Variants in CMSS1 observed in about 807,000 individuals in gnomAD.
CMSS1 encodes the protein protein CMSS1.
Under a neutral mutation model 43.5 loss-of-function variants are expected in CMSS1, and 33 were observed. That is an observed-to-expected ratio of 0.76 (90% CI 0.57 to 1.01). The LOEUF (loss-of-function observed/expected upper bound fraction) is 1.01, where lower values mean the gene tolerates loss of function less well. CMSS1 is among the 50% of genes least tolerant of loss of function. The pLI, the probability that CMSS1 is intolerant of heterozygous loss-of-function variation, is 0.00. For missense variants in CMSS1, 313 were observed against 326.4 expected (o/e 0.96, Z 0.32); for synonymous variants, 115 against 117.2 (o/e 0.98, Z 0.12).
intron 2 of CMSS1, among the ~76,000 whole-genome samples, chr3:100,156,178 G>C (rs753925138): frequency 7.9e-5 from 12 of 151,818 alleles, no homozygotes; most frequent in Non-Finnish European, 1.5e-4. Flanking sequence ...ATGCTGGAGT[G>C]CAGTGGTACA....
intron 1 of CMSS1, among the ~76,000 whole-genome samples, chr3:99,937,942 G>A (rs190695529): frequency 1.3e-5 from 2 of 152,308 alleles, no homozygotes; most frequent in Non-Finnish European, 2.9e-5. Context: ...CCTGTAGGAA[G>A]GGAGTTGGTA....
intron 1 of CMSS1, among the ~76,000 whole-genome samples, chr3:100,116,915 A>G (rs1292395067): frequency 6.6e-6 from 1 of 152,208 alleles, no homozygotes. Flanking sequence ...AATTTTTTAA[A>G]TAAAAAAGAA....
At chr3:99,902,605 A>T (rs1034661719) in intron 1 of CMSS1, among the ~76,000 whole-genome samples, 10 of 152,238 alleles carry the variant, frequency 6.6e-5, no homozygotes, top group African/African-American at 2.4e-4. Context: ...GAAACCTTGG[A>T]TTATAGTCCA....
chr3:99,947,781 A>G (rs1282561114), intron 1 of CMSS1, among the ~76,000 whole-genome samples: 1 of 152,244 alleles, frequency 6.6e-6, no homozygotes, highest in African/African-American at 2.4e-5. Context: ...GTAGACCACT[A>G]TACTACCTTT....
chr3:99,916,301 A>G (rs916969611), intron 1 of CMSS1, among the ~76,000 whole-genome samples: 2 of 152,160 alleles, frequency 1.3e-5, no homozygotes, highest in Non-Finnish European at 2.9e-5. Flanking sequence ...AATAGAATCT[A>G]CACCATTGAT....
chr3:100,114,549 C>T (rs1686054225), intron 1 of CMSS1: 1 of 174,818 alleles, frequency 5.7e-6, no homozygotes, highest in East Asian at 1.7e-4. Flanking sequence ...TGCCCAGCAG[C>T]TGCTCTCCAG....
At chr3:100,167,559 C>T (rs879028354) in intron 5 of CMSS1, among the ~76,000 whole-genome samples, 179 bp from the exon 6 acceptor site, 2 of 152,108 alleles carry the variant, frequency 1.3e-5, no homozygotes, top group Admixed American at 1.3e-4. Context: ...ATTAATGATA[C>T]TTTATTTTAA....
chr3:100,080,448 G>A (rs1576031574), intron 1 of CMSS1, among the ~76,000 whole-genome samples: 1 of 152,132 alleles, frequency 6.6e-6, no homozygotes, highest in African/African-American at 2.4e-5. Flanking sequence ...GTAGATTTTG[G>A]GGAGTACCCT....
intron 1 of CMSS1, among the ~76,000 whole-genome samples, chr3:99,970,795 C>T (rs1708790938): frequency 6.6e-6 from 1 of 152,176 alleles, no homozygotes; most frequent in Non-Finnish European, 1.5e-5. Flanking sequence ...AAACATTATA[C>T]TATCTGCTAC....
intron 2 of CMSS1, among the ~76,000 whole-genome samples, chr3:100,157,977 C>A (rs1013810341): frequency 3.3e-5 from 5 of 152,166 alleles, no homozygotes; most frequent in Admixed American, 2.6e-4. Context: ...GCTTCCACCC[C>A]TTCTGAAACC....
intron 1 of CMSS1, among the ~76,000 whole-genome samples, chr3:100,118,467 CACTT>C (rs2066593913): frequency 6.6e-6 from 1 of 152,118 alleles, no homozygotes; most frequent in South Asian, 2.1e-4. Context: ...GACAGCTTTT[CACTT>C]ACAGTTGTAT....
At chr3:99,955,934 G>A (rs569383250) in intron 1 of CMSS1, among the ~76,000 whole-genome samples, 52 of 152,118 alleles carry the variant, frequency 3.4e-4, no homozygotes, top group Non-Finnish European at 7.2e-4. Flanking sequence ...CTTACATAGC[G>A]CTTACCACAT....
Position 99,914,226 on chromosome 3 carries a change from C to G in CMSS1, c.64+96183C>G, listed in dbSNP as rs1339026818. On this transcript the variant is annotated intron_variant, in intron 1 of 9. Transcript: ENST00000421999. ...AGGATCCTGGATTTGGACTCTAAGA[C>G]TTGATATAGGATATATGAAGGAGGA... is the stretch of plus-strand genomic sequence containing the variant. Among the ~76,000 whole-genome samples the G allele has an allele frequency of 2.6e-5, 4 of 152,184 alleles. No individual in the cohort carries two copies. In the East Asian group the frequency reaches 7.7e-4, roughly 29 times the overall value.
chr3:100,054,505 A>ATGTT (rs1414823376), intron 1 of CMSS1, among the ~76,000 whole-genome samples: 1 of 148,920 alleles, frequency 6.7e-6, no homozygotes. Flanking sequence ...ATGTTATGTT[A>ATGTT]TGTTATGTTA....
intron 2 of CMSS1, among the ~76,000 whole-genome samples, chr3:100,157,744 G>A (rs959616868): frequency 8.5e-5 from 13 of 152,146 alleles, no homozygotes; most frequent in Admixed American, 6.6e-4. Flanking sequence ...ATCTCCAGTC[G>A]GCTGGCAGGA....
At chr3:100,174,290 C>T (rs2107533664) in intron 8 of CMSS1, among the ~76,000 whole-genome samples, 1 of 152,298 alleles carries the variant, frequency 6.6e-6, no homozygotes, top group Non-Finnish European at 1.5e-5. Flanking sequence ...GCCTCCCTAA[C>T]AGCTTTTAGC....
chr3:100,128,873 A>C (rs976341476), intron 1 of CMSS1, among the ~76,000 whole-genome samples: 1 of 152,236 alleles, frequency 6.6e-6, no homozygotes. Flanking sequence ...TACTGTATGA[A>C]TATGCCATCG....
intron 1 of CMSS1, among the ~76,000 whole-genome samples, chr3:99,903,312 C>T (rs990627491): frequency 2.6e-5 from 4 of 151,522 alleles, no homozygotes; most frequent in African/African-American, 7.3e-5. Context: ...AGTGCAGTGG[C>T]GTGATCTCAG....
intron 1 of CMSS1, among the ~76,000 whole-genome samples, chr3:99,987,152 C>G (rs1021065244): frequency 1.3e-5 from 2 of 151,536 alleles, no homozygotes; most frequent in Non-Finnish European, 2.9e-5. Context: ...ATCACTTAAG[C>G]CCAGGAGGTT....
Sources: gnomAD v4.1 joint callset for allele counts (sites outside exome capture counted in the v4.1 genomes callset) on GRCh38, gnomAD v4.1.1 for gene constraint, MANE v1.5 for transcripts, NCBI Gene and HGNC (gene_info 2026-07-23, HGNC 2026-07-21) for gene names.